Variants in IGSF10 observed in about 807,000 individuals in gnomAD.
IGSF10 encodes immunoglobulin superfamily member 10.
Under a neutral mutation model 128.2 loss-of-function variants are expected in IGSF10, and 126 were observed. The observed-to-expected ratio is 0.98, with a 90% confidence interval of 0.85 to 1.14. IGSF10 has a LOEUF of 1.14. Among genes scored for constraint, IGSF10 ranks in the 50% most tolerant of loss-of-function variants. The pLI is 0.00. For synonymous variants in IGSF10, 1,185 were observed against 1,146.2 expected, an observed-to-expected ratio of 1.03 and a Z score of -0.68; for missense variants, 3,295 against 3,149.8, an observed-to-expected ratio of 1.05 and a Z score of -1.10.
rs774416655 is a variant in IGSF10 at position 151,453,475 on chromosome 3, C to T, written c.624G>A (p.Met208Ile). 18 of 1,613,938 alleles carry T rather than the reference C, an allele frequency of 1.1e-5. No homozygotes were observed. Among genetic ancestry groups the T allele is most frequent in the Non-Finnish European group, 1.5e-5 (18 of 1,179,880 alleles). The change falls in exon 5 of 8, where the codon ATG (methionine) becomes ATA (isoleucine). Residue 208 changes from methionine to isoleucine, a missense_variant. Met to Ile is a conservative substitution (Grantham distance 10, BLOSUM62 1). Transcript: ENST00000282466. ...GCAGGTAAAGGCTGTCTAGGTCAGG[C>T]ATATAGGAGACCATCTCTTGAGGGA... ...TSLPQEMVSYMPDLDSLYLHG... is the reference protein window; with the variant it reads ...TSLPQEMVSYIPDLDSLYLHG...
At chr3:151,575,615 C>T in the IGSF10 span, among the ~76,000 whole-genome samples, 1 of 152,212 alleles carries the variant, frequency 6.6e-6, no homozygotes, top group Non-Finnish European at 1.5e-5. Context: ...TCTCGATTTT[C>T]CCGGTACAGT....
chr3:151,473,437 A>G, the IGSF10 span, among the ~76,000 whole-genome samples: 27 of 152,306 alleles, frequency 1.8e-4, no homozygotes, highest in African/African-American at 6.0e-4. Flanking sequence ...ATCATTGCCA[A>G]TTATAAAAAA....
chr3:151,459,992 C>T (rs1345207584), intron 2 of IGSF10, among the ~76,000 whole-genome samples: 2 of 152,120 alleles, frequency 1.3e-5, no homozygotes, highest in African/African-American at 2.4e-5. Context: ...AATCATATGA[C>T]CACTTTTGCC....
the IGSF10 span, among the ~76,000 whole-genome samples, chr3:151,522,811 A>G: frequency 2.0e-5 from 3 of 152,162 alleles, no homozygotes; most frequent in Non-Finnish European, 2.9e-5. Context: ...ACTGCTGTTC[A>G]ACATAGTTTT....
chr3:151,568,375 G>T, the IGSF10 span, among the ~76,000 whole-genome samples: 4 of 152,078 alleles, frequency 2.6e-5, no homozygotes, highest in Non-Finnish European at 5.9e-5. Context: ...ACAAAACAAT[G>T]ACCTCATTTC....
the IGSF10 span, among the ~76,000 whole-genome samples, chr3:151,520,566 G>A: frequency 7.3e-5 from 11 of 151,658 alleles, no homozygotes; most frequent in African/African-American, 9.7e-5. Context: ...AAGAGAGTGG[G>A]GGCCTATATT....
At chr3:151,516,907 T>C in the IGSF10 span, among the ~76,000 whole-genome samples, 74 of 152,180 alleles carry the variant, frequency 4.9e-4, no homozygotes, top group East Asian at 0.012. Flanking sequence ...ATCCCCTTTG[T>C]TGACAGAGAG....
the IGSF10 span, among the ~76,000 whole-genome samples, chr3:151,500,312 A>G: frequency 1.5e-4 from 9 of 59,084 alleles, no homozygotes; most frequent in African/African-American, 5.6e-4. Flanking sequence ...ACACTAAACA[A>G]TATCTGATAC....
chr3:151,575,841 T>A, the IGSF10 span, among the ~76,000 whole-genome samples: 32 of 152,180 alleles, frequency 2.1e-4, no homozygotes, highest in Non-Finnish European at 3.7e-4. Flanking sequence ...GAGCTGTTCC[T>A]ATTCGGCCAT....
chr3:151,611,135 A>G, the IGSF10 span, among the ~76,000 whole-genome samples: 1 of 152,244 alleles, frequency 6.6e-6, no homozygotes, highest in African/African-American at 2.4e-5. Flanking sequence ...CAAGTTGGGA[A>G]GAAACAACTG....
At chr3:151,468,424 A>T in the IGSF10 span, among the ~76,000 whole-genome samples, 1 of 152,172 alleles carries the variant, frequency 6.6e-6, no homozygotes, top group Non-Finnish European at 1.5e-5. Context: ...GGCATTGGAA[A>T]AGGGATTGAC....
In IGSF10 at chr3:151,443,149, G is replaced by A; in HGVS notation, c.5798C>T (p.Thr1933Ile). The A allele has an allele frequency of 1.2e-6, 2 of 1,614,208 alleles. No homozygotes were observed. Among genetic ancestry groups the A allele is most frequent in the Non-Finnish European group, 1.7e-6 (2 of 1,180,042 alleles). Reference sequence around the variant, plus strand: ...GGGGCTGGTCACTCGCTCTTCCATTGTAAGCATTACTACTCTTCGCTCCGA... The same window carrying A: ...GGGGCTGGTCACTCGCTCTTCCATTATAAGCATTACTACTCTTCGCTCCGA... ...TGSERRVVML[T>I]MEERVTSPRI... The change falls in exon 7 of 8, where the codon ACA becomes ATA. Residue 1933 changes from threonine to isoleucine, a missense_variant. Coordinates refer to ENST00000282466, the MANE Select transcript of IGSF10 (RefSeq NM_178822.5).
At chr3:151,605,899 TAC>T in the IGSF10 span, among the ~76,000 whole-genome samples, 2 of 152,206 alleles carry the variant, frequency 1.3e-5, no homozygotes, top group Non-Finnish European at 2.9e-5. Context: ...CTGTTTAAAA[TAC>T]AGATTTTTGG....
chr3:151,448,683 TG>T lies in IGSF10; in HGVS notation c.1297del (p.Gln433LysfsTer6), dbSNP rs762330687. ...RADPSWLMQD[Q>X]ISLQLNRTAT... The stretch of plus-strand genomic sequence containing the variant: ...AGTTCTGTTCAGCTGCAAGGAAATT[TG>T]GTCTTGCATTAACCAAGAGGGATCT... On this transcript the variant is annotated frameshift_variant, in exon 6 of 8. Transcript: ENST00000282466. LOFTEE classifies it high-confidence loss of function. 63 of 1,614,184 alleles carry T rather than the reference TG, an allele frequency of 3.9e-5. 1 individual carries two copies. In the East Asian group the frequency reaches 9.1e-4, roughly 23 times the overall value.
chr3:151,572,093 C>T, the IGSF10 span, among the ~76,000 whole-genome samples: 98 of 152,212 alleles, frequency 6.4e-4, 1 homozygote, highest in South Asian at 0.02. Flanking sequence ...GTGGATAAGC[C>T]TTTTGATGTG....
At position 151,454,153 on chromosome 3, in the gene IGSF10, G is replaced by A. The variant is rs562359564; in HGVS notation, c.325-379C>T. ...CTGCCTCAGCCTCCTGAGTAGCTGG[G>A]ATTACAGGTGCCCACCACCATGCCC... On this transcript the variant is annotated intron_variant, in intron 4 of 7. Coordinates refer to ENST00000282466, the MANE Select transcript of IGSF10 (RefSeq NM_178822.5). Among the ~76,000 whole-genome samples the A allele has an allele frequency of 1.5e-3, 223 of 151,944 alleles. 1 individual carries two copies. The highest frequency in any genetic ancestry group is 5.0e-3 in the African/African-American group (207 of 41,432).
At chr3:151,473,834 G>GT in the IGSF10 span, among the ~76,000 whole-genome samples, 2 of 152,124 alleles carry the variant, frequency 1.3e-5, no homozygotes, top group Middle Eastern at 3.4e-3. Flanking sequence ...GCTTGCTCCT[G>GT]TTTTTTTAAT....
the IGSF10 span, among the ~76,000 whole-genome samples, chr3:151,497,359 G>A: frequency 6.6e-6 from 1 of 152,298 alleles, no homozygotes; most frequent in East Asian, 1.9e-4. Context: ...AGTATAAGGT[G>A]TAAGGAAGGG....
chr3:151,450,018 G>C (rs967075979), intron 5 of IGSF10, among the ~76,000 whole-genome samples: 2 of 152,158 alleles, frequency 1.3e-5, no homozygotes, highest in East Asian at 1.9e-4. Context: ...CAGGTTTAAG[G>C]GGGAGGGAAG....
Sources: allele counts gnomAD v4.1 joint callset (sites outside exome capture counted in the v4.1 genomes callset), GRCh38; gene constraint gnomAD v4.1.1; transcripts MANE v1.5; gene names NCBI Gene and HGNC (gene_info 2026-07-23, HGNC 2026-07-21).